The following CYP4Z1 variants were observed in gnomAD, a reference collection of about 807,000 sequenced individuals.
The protein encoded by CYP4Z1 is cytochrome P450 4Z1.
Under a neutral mutation model 54.2 loss-of-function variants are expected in CYP4Z1, and 41 were observed. That is an observed-to-expected ratio of 0.76 (90% CI 0.59 to 0.98). The LOEUF is 0.98. Ranked by LOEUF, CYP4Z1 falls within the 50% of genes least tolerant of loss-of-function variation. The pLI, the probability that CYP4Z1 is intolerant of heterozygous loss-of-function variation, is 0.00. For synonymous variants in CYP4Z1, 163 were observed against 206.2 expected (o/e 0.79, Z 1.79); for missense variants, 513 against 599.0 (o/e 0.86, Z 1.50).
chr1:47,096,252 T>C (rs919573059), intron 7 of CYP4Z1, among the ~76,000 whole-genome samples: 19 of 152,132 alleles, frequency 1.2e-4, no homozygotes, highest in Admixed American at 3.3e-4. Flanking sequence ...ACCCCAACTC[T>C]ATAAAAAATT....
chr1:47,106,140 C>T lies in CYP4Z1; in HGVS notation c.1080C>T (p.Ser360=), dbSNP rs767381515. 3.3e-5 allele frequency: 54 copies of T among 1,613,638 alleles called. No homozygotes were observed. The highest frequency in any genetic ancestry group is 4.2e-5 in the Non-Finnish European group (50 of 1,179,846). ...TGCTTCTACCCAGGGAACACCTGAG[C>T]CAGATGCCTTACACCACGATGTGCA... ...DGSSITWEHL[S]QMPYTTMCIK... Residue 360 remains serine, a synonymous_variant, in exon 9 of 12, where the codon AGC becomes AGT. Coordinates refer to ENST00000334194, the MANE Select transcript of CYP4Z1 (RefSeq NM_178134.3).
chr1:47,059,182 T>G, the CYP4Z1 span, among the ~76,000 whole-genome samples: 6 of 152,156 alleles, frequency 3.9e-5, no homozygotes, highest in African/African-American at 1.4e-4. Flanking sequence ...GCCAATAAAT[T>G]TTATTAACAA....
Position 47,067,686 on chromosome 1 carries a change from T to C in CYP4Z1, c.177+19T>C. ...CAAGGAGGTAAGAGGAGAAAATTAG[T>C]TGGGGAGGTTAAGGGACAGAAAGAT... On this transcript the variant is annotated intron_variant, in intron 1 of 11. Coordinates refer to ENST00000334194, the MANE Select transcript of CYP4Z1 (RefSeq NM_178134.3). 3.2e-6 allele frequency: 5 copies of C among 1,582,584 alleles called. No homozygotes were observed. Among genetic ancestry groups the C allele is most frequent in the Non-Finnish European group, 4.3e-6 (5 of 1,160,226 alleles).
At position 47,114,059 on chromosome 1, in the gene CYP4Z1, C is replaced by T. The variant is rs1009299141; in HGVS notation, c.1202-1470C>T. 3.1e-4 allele frequency among the ~76,000 whole-genome samples: 47 copies of T among 151,924 alleles called. 1 individual carries two copies. Among genetic ancestry groups the T allele is most frequent in the Non-Finnish European group, 1.5e-5 (1 of 67,866 alleles). On this transcript the variant is annotated intron_variant, in intron 9 of 11. Coordinates refer to ENST00000334194, the MANE Select transcript of CYP4Z1 (RefSeq NM_178134.3). ...GACTTCAAACTATACTACAAGGCTA[C>T]AGTAACCAAAACAGCATGGTACTGG...
chr1:47,117,556 GC>G (rs761571404), intron 11 of CYP4Z1, among the ~76,000 whole-genome samples: 1 of 151,998 alleles, frequency 6.6e-6, no homozygotes, highest in Non-Finnish European at 1.5e-5. Context: ...TTTGAGACCA[GC>G]CTGGCCAACA....
chr1:47,113,554 G>A (rs1156267380), intron 9 of CYP4Z1, among the ~76,000 whole-genome samples: 1 of 152,146 alleles, frequency 6.6e-6, no homozygotes, highest in Non-Finnish European at 1.5e-5. Context: ...AATTATGATT[G>A]TAGAATTCTT....
rs776044257 is a variant in CYP4Z1 at position 47,068,707 on chromosome 1, C to G, written c.263C>G (p.Thr88Arg). The G allele has an allele frequency of 8.7e-6, 14 of 1,614,102 alleles. No individual in the cohort carries two copies. The highest frequency in any genetic ancestry group is 1.2e-5 in the Non-Finnish European group (14 of 1,180,010). The change falls in exon 2 of 12, where the codon ACG becomes AGG. Residue 88 changes from threonine (T) to arginine (R), a missense_variant. By Grantham distance (71) the Thr-to-Arg change is moderately conservative. Transcript: ENST00000334194. Reference protein sequence around the residue: ...CAVPLWVGPFTMFFSVHDPDY... With the variant: ...CAVPLWVGPFRMFFSVHDPDY... ...GTTCCCTTGTGGGTTGGACCCTTTACGATGTTCTTCAGTGTCCATGACCCA... is the reference window on the plus strand; with the variant it reads ...GTTCCCTTGTGGGTTGGACCCTTTAGGATGTTCTTCAGTGTCCATGACCCA...
upstream of CYP4Z1, among the ~76,000 whole-genome samples, chr1:47,066,180 T>C (rs1265490760): frequency 6.6e-6 from 1 of 152,168 alleles, no homozygotes; most frequent in Non-Finnish European, 1.5e-5. Flanking sequence ...TAAATCACTC[T>C]GTGAAGCCAG....
At chr1:47,093,813 C>T (rs555292205) in intron 6 of CYP4Z1, among the ~76,000 whole-genome samples, 8 of 152,040 alleles carry the variant, frequency 5.3e-5, no homozygotes, top group Non-Finnish European at 8.8e-5. Flanking sequence ...AAAAAGGAAA[C>T]GTTGGAAAGC....
At chr1:47,086,062 A>G (rs1385079750) in intron 6 of CYP4Z1, among the ~76,000 whole-genome samples, 2 of 152,016 alleles carry the variant, frequency 1.3e-5, no homozygotes, top group Non-Finnish European at 2.9e-5. Context: ...CATGGTGTAT[A>G]TGTGCCACAT....
At chr1:47,057,335 A>AAAAAAAAATACAT in the CYP4Z1 span, among the ~76,000 whole-genome samples, 1 of 28,492 alleles carries the variant, frequency 3.5e-5, no homozygotes, top group African/African-American at 9.1e-5. Flanking sequence ...AAGAAAAAAA[A>AAAAAAAAATACAT]ATATATATAT....
chr1:47,095,877 T>C (rs1644673001), intron 7 of CYP4Z1, among the ~76,000 whole-genome samples: 1 of 152,222 alleles, frequency 6.6e-6, no homozygotes, highest in Non-Finnish European at 1.5e-5. Flanking sequence ...CTGAATTTAA[T>C]TGTGCTGAAT....
At chr1:47,110,217 C>T (rs1459281312) in intron 9 of CYP4Z1, among the ~76,000 whole-genome samples, 1 of 148,436 alleles carries the variant, frequency 6.7e-6, no homozygotes, top group Non-Finnish European at 1.5e-5. Context: ...TGGAGAGGGA[C>T]ATGGCCCAAA....
intron 8 of CYP4Z1, among the ~76,000 whole-genome samples, chr1:47,101,841 G>A (rs1488143804): frequency 6.6e-6 from 1 of 151,878 alleles, no homozygotes; most frequent in East Asian, 1.9e-4. Context: ...TAGATGACTC[G>A]AATAAAGCTG....
At chr1:47,098,900 T>C (rs1406182788) in intron 7 of CYP4Z1, among the ~76,000 whole-genome samples, 194 bp from the exon 8 acceptor site, 1 of 152,236 alleles carries the variant, frequency 6.6e-6, no homozygotes, top group African/African-American at 2.4e-5. Flanking sequence ...TTGAATTCTG[T>C]TGAGTCATTT....
Position 47,106,279 on chromosome 1 carries a change from T to G in CYP4Z1, c.1201+18T>G. The stretch of plus-strand genomic sequence containing the variant: ...ACCTGCAGGTCTTAAAACTTTTTTT[T>G]TTTTTTTTAACAATGCAGCTGTGCT... On this transcript the variant is annotated intron_variant, in intron 9 of 11. Coordinates refer to ENST00000334194, the MANE Select transcript of CYP4Z1 (RefSeq NM_178134.3). 6.3e-7 allele frequency: 1 copy of G among 1,596,350 alleles called. No homozygotes were observed.
At chr1:47,094,433 A>C (rs1569732236) in intron 6 of CYP4Z1, 133 bp from the exon 7 acceptor site, 2 of 604,316 alleles carry the variant, frequency 3.3e-6, no homozygotes, top group Non-Finnish European at 5.8e-6. Context: ...ACTGTCCCTT[A>C]CCAACTCAGG....
the CYP4Z1 span, among the ~76,000 whole-genome samples, chr1:47,056,219 G>T: frequency 6.6e-6 from 1 of 152,146 alleles, no homozygotes; most frequent in Non-Finnish European, 1.5e-5. Flanking sequence ...TTTCCATGTA[G>T]TTGAGTGGTT....
At chr1:47,103,595 C>CTTTTTTTTTTTTTTTTTTTTTTTTTT (rs373166937) in intron 8 of CYP4Z1, among the ~76,000 whole-genome samples, 12 of 96,020 alleles carry the variant, frequency 1.2e-4, no homozygotes, top group African/African-American at 1.6e-4. Flanking sequence ...TCTTTTTTTT[C>CTTTTTTTTTTTTTTTTTTTTTTTTTT]TTTTTTTTTT....
Sources: gnomAD v4.1 joint callset for allele counts (sites outside exome capture counted in the v4.1 genomes callset) on GRCh38, gnomAD v4.1.1 for gene constraint, MANE v1.5 for transcripts, NCBI Gene and HGNC (gene_info 2026-07-23, HGNC 2026-07-21) for gene names.